Variants in EIF4E3 observed in about 807,000 individuals in gnomAD.
EIF4E3 encodes the protein eukaryotic translation initiation factor 4E type 3.
In EIF4E3, 26 loss-of-function variants were observed where a neutral mutation model predicts 31.7. The ratio of observed to expected loss-of-function variants is 0.82; its 90% confidence interval spans 0.60 to 1.14. The LOEUF (loss-of-function observed/expected upper bound fraction) is 1.14. Among genes scored for constraint, EIF4E3 ranks in the 50% most tolerant of loss-of-function variants. EIF4E3 has a pLI of 0.00. For synonymous variants in EIF4E3, 128 were observed against 107.7 expected (o/e 1.19, Z -1.17); for missense variants, 304 against 270.9 (o/e 1.12, Z -0.86).
chr3:71,667,428 AG>A, the EIF4E3 span, among the ~76,000 whole-genome samples: 3 of 152,200 alleles, frequency 2.0e-5, no homozygotes, highest in African/African-American at 7.2e-5. Flanking sequence ...GAAGAAATAA[AG>A]GTATTTAAAT....
intron 4 of EIF4E3, among the ~76,000 whole-genome samples, chr3:71,694,867 A>G (rs1485874379): frequency 2.6e-5 from 4 of 152,232 alleles, no homozygotes; most frequent in Admixed American, 2.6e-4. Flanking sequence ...AGGGCTTAGT[A>G]CAATGACTGC....
chr3:71,677,941 A>G lies in EIF4E3; in HGVS notation c.*6741T>C, dbSNP rs974301790. On this transcript the variant is annotated 3_prime_UTR_variant, in exon 7 of 7. Coordinates refer to ENST00000425534, the MANE Select transcript of EIF4E3 (RefSeq NM_001134651.2). ...TAGAGGGTAAAGAAAAAGAATTAAA[A>G]TAAGCAAGATACGTTTTCTAAGAGA... The G allele has an allele frequency of 6.6e-6, 1 of 152,210 alleles. No homozygotes were observed. The highest frequency in any genetic ancestry group is 2.4e-5 in the African/African-American group (1 of 41,454). 9.4% of individuals were successfully genotyped at this position (152,210 alleles called of 1,614,324 possible). A position where few individuals can be genotyped will look rare whatever the true frequency, so the allele number is the denominator to read the frequency against.
At position 71,724,443 on chromosome 3, in the gene EIF4E3, G is replaced by A. The variant is rs368463970; in HGVS notation, c.176+749C>T. Among the ~76,000 whole-genome samples, 4 of 152,318 alleles carry A rather than the reference G, an allele frequency of 2.6e-5. No individual in the cohort carries two copies. In the East Asian group the frequency reaches 5.8e-4, roughly 22 times the overall value. ...TAGGAAGAAAAAGAAGGCAGGGCAG[G>A]AGAATACAAAACGAGGGAGCAAGGT... On this transcript the variant is annotated intron_variant, in intron 1 of 6. Coordinates refer to ENST00000425534, the MANE Select transcript of EIF4E3 (RefSeq NM_001134651.2).
upstream of EIF4E3, among the ~76,000 whole-genome samples, chr3:71,727,722 G>C (rs62246335): frequency 6.6e-6 from 1 of 152,126 alleles, no homozygotes; most frequent in African/African-American, 2.4e-5. Context: ...TTATATTTAC[G>C]AAGTGACACA....
At chr3:71,719,435 C>T (rs546609782) in intron 1 of EIF4E3, among the ~76,000 whole-genome samples, 3 of 151,020 alleles carry the variant, frequency 2.0e-5, no homozygotes, top group Non-Finnish European at 2.9e-5. Flanking sequence ...TTCTGATGGG[C>T]GGATGAGGGA....
At chr3:71,664,091 C>T in the EIF4E3 span, among the ~76,000 whole-genome samples, 1 of 152,166 alleles carries the variant, frequency 6.6e-6, no homozygotes, top group Non-Finnish European at 1.5e-5. Context: ...GCAGACTCAG[C>T]TCCTTGTGGG....
At position 71,752,916 on chromosome 3, in the gene EIF4E3, G is replaced by A. The variant is rs144673333; in HGVS notation, c.-291+547C>T. ...AATCATAACAGGGGCTGCCCTTTCAGGCTTACCCAGAAAATAGATATCCTG... is the reference window on the plus strand; with the variant it reads ...AATCATAACAGGGGCTGCCCTTTCAAGCTTACCCAGAAAATAGATATCCTG... On this transcript the variant is annotated intron_variant, in intron 1 of 7. Transcript: ENST00000295612. Among the ~76,000 whole-genome samples, 48 of 152,276 alleles carry A rather than the reference G, an allele frequency of 3.2e-4. 1 individual carries two copies. In the East Asian group the frequency reaches 7.7e-3, roughly 25 times the overall value.
chr3:71,718,821 A>G (rs1166898174), intron 1 of EIF4E3, among the ~76,000 whole-genome samples: 1 of 152,194 alleles, frequency 6.6e-6, no homozygotes, highest in Non-Finnish European at 1.5e-5. Flanking sequence ...GCCCTGCCAG[A>G]TGTTCTCAGA....
At chr3:71,700,536 C>T (rs1399648179) in intron 2 of EIF4E3, among the ~76,000 whole-genome samples, 1 of 151,120 alleles carries the variant, frequency 6.6e-6, no homozygotes, top group African/African-American at 2.4e-5. Context: ...ATCACTTGAA[C>T]CTGGGAGGCG....
chr3:71,689,855 A>T (rs57050022), intron 6 of EIF4E3, among the ~76,000 whole-genome samples, 155 bp downstream of exon 6: 20,931 of 139,564 alleles, frequency 0.15, 1,476 homozygotes, highest in Middle Eastern at 0.2. Flanking sequence ...TGTTTTTTTT[A>T]AAAAAAAAAA....
intron 1 of EIF4E3, among the ~76,000 whole-genome samples, chr3:71,751,060 C>CTG (rs2049924088): frequency 6.6e-6 from 1 of 151,972 alleles, no homozygotes; most frequent in Non-Finnish European, 1.5e-5. Context: ...CCGCATCCGG[C>CTG]CTCTACAAAT....
chr3:71,704,554 C>T (rs1226448361), intron 2 of EIF4E3, among the ~76,000 whole-genome samples: 1 of 152,238 alleles, frequency 6.6e-6, no homozygotes, highest in Admixed American at 6.5e-5. Flanking sequence ...TTTCCTAAAT[C>T]TCCAATCTGG....
downstream of EIF4E3, among the ~76,000 whole-genome samples, chr3:71,672,753 A>G (rs564904415): frequency 3.8e-4 from 58 of 151,896 alleles, no homozygotes; most frequent in Non-Finnish European, 5.6e-4. Context: ...TTCTCCGCAG[A>G]GCTGCCTGTT....
intron 1 of EIF4E3, among the ~76,000 whole-genome samples, chr3:71,736,195 T>A (rs755741505): frequency 1.3e-5 from 2 of 152,216 alleles, no homozygotes; most frequent in Non-Finnish European, 2.9e-5. Flanking sequence ...TCTCGCTCAA[T>A]GCTAGTAAGA....
chr3:71,740,995 G>C (rs2049814754), intron 1 of EIF4E3, among the ~76,000 whole-genome samples: 1 of 152,032 alleles, frequency 6.6e-6, no homozygotes, highest in Admixed American at 6.6e-5. Context: ...AATTAGCCGG[G>C]TGTGGTGGCA....
At chr3:71,712,013 G>A (rs1021937975) in intron 1 of EIF4E3, among the ~76,000 whole-genome samples, 5 of 152,084 alleles carry the variant, frequency 3.3e-5, no homozygotes, top group East Asian at 1.9e-4. Context: ...TCTGAATACC[G>A]CTTCCTTATC....
the EIF4E3 span, among the ~76,000 whole-genome samples, chr3:71,659,874 G>C: frequency 2.6e-5 from 4 of 152,276 alleles, no homozygotes; most frequent in East Asian, 5.8e-4. Flanking sequence ...AGAAAGCGGG[G>C]AAGAGGCAGG....
rs922352330 is a variant in EIF4E3 at position 71,678,123 on chromosome 3, G to T, written c.*6559C>A. 1 of 152,162 alleles carries T rather than the reference G, an allele frequency of 6.6e-6. No individual in the cohort carries two copies. Among genetic ancestry groups the T allele is most frequent in the Non-Finnish European group, 1.5e-5 (1 of 68,022 alleles). 9.4% of individuals were successfully genotyped at this position (152,162 alleles called of 1,614,324 possible). On this transcript the variant is annotated 3_prime_UTR_variant, in exon 7 of 7. Transcript: ENST00000425534. ...TGTTGGACAGAAACTTTTAATATGT[G>T]TTGTAATAAACAAGGTTATTCTAAT...
intron 4 of EIF4E3, among the ~76,000 whole-genome samples, 161 bp from the exon 5 acceptor site, chr3:71,694,102 C>T (rs908691222): frequency 1.3e-5 from 2 of 152,238 alleles, no homozygotes; most frequent in Admixed American, 6.5e-5. Context: ...GGTGCAAACA[C>T]TTATCACCGT....
Sources: allele counts gnomAD v4.1 joint callset (sites outside exome capture counted in the v4.1 genomes callset), GRCh38; gene constraint gnomAD v4.1.1; transcripts MANE v1.5; gene names NCBI Gene and HGNC (gene_info 2026-07-23, HGNC 2026-07-21).